DCAF8L2: variants seen among roughly 807,000 people sequenced by gnomAD.
DCAF8L2 encodes the protein DDB1 and CUL4 associated factor 8 like 2.
For missense variants in DCAF8L2, 430 were observed against 490.7 expected (o/e 0.88, Z 1.17); for synonymous variants, 200 against 190.9 (o/e 1.05, Z -0.39).
intron 1 of DCAF8L2, among the ~76,000 whole-genome samples, chrX:27,605,781 A>T (rs779803389): frequency 1.8e-5 from 2 of 111,845 alleles, no homozygotes; most frequent in South Asian, 3.7e-4. Context: ...AGCTAATCAG[A>T]AATGAAGAAT....
the DCAF8L2 span, among the ~76,000 whole-genome samples, chrX:27,527,895 G>A: frequency 1.8e-5 from 2 of 108,473 alleles, no homozygotes; most frequent in Admixed American, 1.0e-4. Context: ...CAGGTGGTCA[G>A]CCCATCTTGG....
intron 3 of DCAF8L2, among the ~76,000 whole-genome samples, chrX:27,710,026 G>C (rs1331884270): frequency 1.8e-5 from 2 of 110,732 alleles, no homozygotes; most frequent in Middle Eastern, 4.6e-3. Context: ...TTTGTATATG[G>C]TTTGCATTAA....
chrX:27,691,782 T>G (rs953723805), intron 3 of DCAF8L2, among the ~76,000 whole-genome samples: 1 of 111,981 alleles, frequency 8.9e-6, no homozygotes, highest in African/African-American at 3.2e-5. Flanking sequence ...ACTAAGATTG[T>G]CAAAATTTAA....
intron 4 of DCAF8L2, among the ~76,000 whole-genome samples, chrX:27,729,347 GATATA>G (rs1367237988): frequency 1.8e-5 from 2 of 112,114 alleles, no homozygotes; most frequent in African/African-American, 6.5e-5. Context: ...AGGCAATTAT[GATATA>G]AATAGAATAT....
At chrX:27,564,285 A>C in the DCAF8L2 span, among the ~76,000 whole-genome samples, 1 of 110,839 alleles carries the variant, frequency 9.0e-6, no homozygotes, top group Non-Finnish European at 1.9e-5. Flanking sequence ...GGGGATAACC[A>C]CCCCATGATT....
the DCAF8L2 span, among the ~76,000 whole-genome samples, chrX:27,513,052 A>T: frequency 9.0e-6 from 1 of 111,546 alleles, no homozygotes; most frequent in East Asian, 2.8e-4. Flanking sequence ...ATGCAGAAGA[A>T]TGAAACTAGA....
the DCAF8L2 span, among the ~76,000 whole-genome samples, chrX:27,497,610 C>A: frequency 9.6e-6 from 1 of 104,496 alleles, no homozygotes; most frequent in East Asian, 3.0e-4. Context: ...ACTCTGTCGC[C>A]CAGGCTGGAG....
intron 2 of DCAF8L2, among the ~76,000 whole-genome samples, chrX:27,673,754 T>G (rs1930046868): frequency 9.2e-6 from 1 of 108,843 alleles, no homozygotes; most frequent in African/African-American, 3.3e-5. Context: ...CAAGCACTTT[T>G]CTGAGTACTT....
chrX:27,579,571 AAAAG>A, the DCAF8L2 span, among the ~76,000 whole-genome samples: 1 of 108,278 alleles, frequency 9.2e-6, no homozygotes, highest in Non-Finnish European at 1.9e-5. Context: ...AATAAAATAA[AAAAG>A]AAACTGCTAT....
intron 3 of DCAF8L2, among the ~76,000 whole-genome samples, chrX:27,705,587 G>A (rs1299342009): frequency 5.4e-5 from 6 of 111,410 alleles, no homozygotes; most frequent in Admixed American, 1.9e-4. Flanking sequence ...CTGCATGAAT[G>A]TCTTCTTTTG....
At chrX:27,487,930 T>G in the DCAF8L2 span, among the ~76,000 whole-genome samples, 1 of 112,129 alleles carries the variant, frequency 8.9e-6, no homozygotes, top group Non-Finnish European at 1.9e-5. Flanking sequence ...ACTCTAGTGA[T>G]TTGCCTTTTC....
In DCAF8L2 at chrX:27,598,522, C is replaced by T. The variant is rs537071858; in HGVS notation, c.-342+8082C>T. ...GCTGTAAAGTCACAAGGTTGATAAG[C>T]AATTGCTACAAAAGCATGTATTCCC... On this transcript the variant is annotated intron_variant, in intron 1 of 4. Transcript: ENST00000451261. Among the ~76,000 whole-genome samples, 11 of 112,465 alleles carry T rather than the reference C, an allele frequency of 9.8e-5. No individual in the cohort carries two copies. The South Asian group carries it at 3.7e-3, about 38-fold the overall frequency.
At chrX:27,616,493 T>A (rs1235748072) in intron 1 of DCAF8L2, among the ~76,000 whole-genome samples, 1 of 111,745 alleles carries the variant, frequency 8.9e-6, no homozygotes, top group Admixed American at 9.6e-5. Context: ...ACTCCAGTTA[T>A]ATTCAAAAAA....
At chrX:27,588,935 A>G (rs1019065200), upstream of DCAF8L2, among the ~76,000 whole-genome samples, 1 of 111,325 alleles carries the variant, frequency 9.0e-6, no homozygotes, top group African/African-American at 3.3e-5. Context: ...AAAACACATC[A>G]CACATTTTAT....
At chrX:27,719,307 A>T (rs1931807577) in intron 4 of DCAF8L2, among the ~76,000 whole-genome samples, 1 of 110,980 alleles carries the variant, frequency 9.0e-6, no homozygotes, top group Non-Finnish European at 1.9e-5. Context: ...ATGACATAGA[A>T]CACTTTTTCT....
At chrX:27,491,701 G>A in the DCAF8L2 span, among the ~76,000 whole-genome samples, 4 of 111,246 alleles carry the variant, frequency 3.6e-5, no homozygotes, top group South Asian at 3.7e-4. Context: ...ATCCATGAAC[G>A]TGGAATGTTA....
At chrX:27,480,745 C>T in the DCAF8L2 span, among the ~76,000 whole-genome samples, 12 of 111,696 alleles carry the variant, frequency 1.1e-4, no homozygotes, top group Non-Finnish European at 2.3e-4. Flanking sequence ...TTCAGCTCAT[C>T]TAACACCTTC....
the DCAF8L2 span, among the ~76,000 whole-genome samples, chrX:27,494,320 C>T: frequency 9.0e-6 from 1 of 111,066 alleles, no homozygotes; most frequent in Non-Finnish European, 1.9e-5. Context: ...GCAGGAGAAT[C>T]GCTTGAACCT....
At position 27,643,667 on chromosome X, in the gene DCAF8L2, T is replaced by A. The variant is rs1037505323; in HGVS notation, c.-220+11667T>A. Among the ~76,000 whole-genome samples the A allele has an allele frequency of 3.6e-5, 4 of 112,083 alleles. No homozygotes were observed. The East Asian group carries it at 1.1e-3, about 31-fold the overall frequency. ...CGTTATTTTCCTGAAAATTATAGGATAATAGTAATTAAAGTATCTCTTGAG... is the reference window on the plus strand; with the variant it reads ...CGTTATTTTCCTGAAAATTATAGGAAAATAGTAATTAAAGTATCTCTTGAG... On this transcript the variant is annotated intron_variant, in intron 2 of 4. Coordinates refer to ENST00000451261, the MANE Select transcript of DCAF8L2 (RefSeq NM_001353450.2).
Sources: allele counts gnomAD v4.1 joint callset (sites outside exome capture counted in the v4.1 genomes callset), GRCh38; gene constraint gnomAD v4.1.1; transcripts MANE v1.5; gene names NCBI Gene and HGNC (gene_info 2026-07-23, HGNC 2026-07-21).